The following NAV2 variants were observed in gnomAD, a reference collection of about 807,000 sequenced individuals.
NAV2 encodes helicase, APC down-regulated 1.
A neutral mutation model predicts 223.2 loss-of-function variants in NAV2; 54 were observed. The ratio of observed to expected loss-of-function variants is 0.24; its 90% CI spans 0.19 to 0.30. The LOEUF (loss-of-function observed/expected upper bound fraction) is 0.30, where lower values mean the gene tolerates loss of function less well. NAV2 is among the 10% of genes least tolerant of loss of function. The probability of loss-of-function intolerance (pLI) is 1.00; values close to 1 mark genes in which losing one functional copy is unlikely to be tolerated. For synonymous variants in NAV2, 1,279 were observed against 1,239.3 expected (o/e 1.03, Z -0.67); for missense variants, 2,806 against 3,147.5 (o/e 0.89, Z 2.60).
chr11:19,524,973 T>G (rs2702646), intron 1 of NAV2, among the ~76,000 whole-genome samples: 65,422 of 151,898 alleles, frequency 0.43, 14,698 homozygotes, highest in African/African-American at 0.55. Context: ...AGATGTGGGG[T>G]TTTTTTCTTC....
At chr11:19,663,655 T>C (rs1396005843) in intron 1 of NAV2, among the ~76,000 whole-genome samples, 7 of 152,194 alleles carry the variant, frequency 4.6e-5, no homozygotes, top group Non-Finnish European at 1.0e-4. Flanking sequence ...CCTTCCTTCT[T>C]CATTTTATCT....
At chr11:19,463,186 A>G (rs147824575) in intron 1 of NAV2, among the ~76,000 whole-genome samples, 311 of 152,362 alleles carry the variant, frequency 2.0e-3, no homozygotes, top group African/African-American at 6.8e-3. Context: ...AATGCAAATA[A>G]AGCAGCATGG....
intron 1 of NAV2, chr11:19,777,351 G>A (rs2056330944): frequency 2.9e-6 from 1 of 341,006 alleles, no homozygotes; most frequent in African/African-American, 2.3e-5. Context: ...GCGGCCGAGA[G>A]GAGACCCGGG....
intron 6 of NAV2, among the ~76,000 whole-genome samples, chr11:19,920,140 TAAG>T (rs1359463553): frequency 6.6e-6 from 1 of 152,048 alleles, no homozygotes; most frequent in African/African-American, 2.4e-5. Context: ...TCTCAAAAAA[TAAG>T]AAGAGCATGG....
intron 6 of NAV2, among the ~76,000 whole-genome samples, chr11:19,916,604 A>C (rs1292187268): frequency 6.6e-6 from 1 of 152,236 alleles, no homozygotes; most frequent in Admixed American, 6.5e-5. Flanking sequence ...TTTATTCTGT[A>C]TCACATACTG....
At chr11:19,859,412 C>A (rs1469083129) in intron 3 of NAV2, among the ~76,000 whole-genome samples, 2 of 148,926 alleles carry the variant, frequency 1.3e-5, no homozygotes, top group Non-Finnish European at 3.0e-5. Context: ...ATCCATTTAA[C>A]CCTGAGTGGA....
chr11:20,043,857 ATCTT>A (rs2057189062), intron 12 of NAV2, 120 bp from the exon 13 acceptor site: 1 of 835,712 alleles, frequency 1.2e-6, no homozygotes, highest in Non-Finnish European at 1.9e-6. Context: ...AAGTCCAAAC[ATCTT>A]TAAAGTAATG....
rs541918485 is a variant in NAV2, at chr11:19,637,142, G to A, written c.76-195342G>A. On this transcript the variant is annotated intron_variant, in intron 1 of 37. Coordinates refer to the NAV2 transcript ENST00000360655. ...AAAACATAAGCTTGCCACAGCCTGGGTTCTTGGGATTGTCCCTATCCCAAC... is the reference window on the plus strand; with the variant it reads ...AAAACATAAGCTTGCCACAGCCTGGATTCTTGGGATTGTCCCTATCCCAAC... Among the ~76,000 whole-genome samples the A allele has an allele frequency of 2.0e-5, 3 of 152,288 alleles. No homozygotes were observed. In the South Asian group the frequency reaches 6.2e-4, roughly 32 times the overall value.
intron 36 of NAV2, among the ~76,000 whole-genome samples, chr11:20,108,583 C>T (rs1479759328): frequency 1.3e-5 from 2 of 150,082 alleles, no homozygotes; most frequent in African/African-American, 2.4e-5. Flanking sequence ...GCTGGGATTA[C>T]AGGCGTGTGC....
At chr11:19,820,594 G>A (rs925815112) in intron 1 of NAV2, among the ~76,000 whole-genome samples, 6 of 152,224 alleles carry the variant, frequency 3.9e-5, no homozygotes, top group African/African-American at 1.2e-4. Context: ...ATATTTTGCC[G>A]TGGTGAGAGG....
chr11:19,838,318 G>T (rs952511028), intron 2 of NAV2, among the ~76,000 whole-genome samples: 2 of 152,104 alleles, frequency 1.3e-5, no homozygotes, highest in African/African-American at 4.8e-5. Context: ...GATGGAGTGG[G>T]GATGGTGGGA....
chr11:19,525,907 A>C (rs906214927), intron 1 of NAV2, among the ~76,000 whole-genome samples: 8 of 152,290 alleles, frequency 5.3e-5, no homozygotes, highest in African/African-American at 1.9e-4. Flanking sequence ...CTTCAGGCTT[A>C]GGGGAAGCTG....
chr11:19,468,165 T>G (rs1424865983), intron 1 of NAV2, among the ~76,000 whole-genome samples: 1 of 152,236 alleles, frequency 6.6e-6, no homozygotes, highest in Non-Finnish European at 1.5e-5. Flanking sequence ...CACTACTCAC[T>G]TGCTGCGTGA....
chr11:19,498,623 A>G (rs1446873127), intron 1 of NAV2, among the ~76,000 whole-genome samples: 1 of 152,100 alleles, frequency 6.6e-6, no homozygotes, highest in Non-Finnish European at 1.5e-5. Context: ...ATTTATTCCT[A>G]CCTGTTCATT....
intron 1 of NAV2, among the ~76,000 whole-genome samples, chr11:19,521,577 C>A (rs1005317298): frequency 5.9e-5 from 9 of 152,132 alleles, no homozygotes; most frequent in Non-Finnish European, 1.2e-4. Flanking sequence ...CTATCTTATG[C>A]GTTAGTGGGG....
intron 5 of NAV2, among the ~76,000 whole-genome samples, chr11:19,889,133 A>G (rs1441165248): frequency 1.3e-5 from 2 of 152,218 alleles, no homozygotes; most frequent in African/African-American, 4.8e-5. Context: ...TTAAAAGTTC[A>G]GTCTGAATTA....
chr11:19,392,107 G>T (rs1849271727), intron 1 of NAV2, among the ~76,000 whole-genome samples: 1 of 152,186 alleles, frequency 6.6e-6, no homozygotes, highest in African/African-American at 2.4e-5. Context: ...CTTTTACTTT[G>T]ATGATGGAGA....
intron 1 of NAV2, 134 bp downstream of exon 1, chr11:19,714,096 C>A (rs1465064987): frequency 4.5e-6 from 6 of 1,322,024 alleles, no homozygotes; most frequent in Non-Finnish European, 6.2e-6. Context: ...TCCCCTTAGG[C>A]CGGCAGGTTG....
chr11:20,107,614 C>G (rs748697155), intron 35 of NAV2, 50 bp from the exon 36 acceptor site: 1 of 1,411,246 alleles, frequency 7.1e-7, no homozygotes, highest in East Asian at 2.3e-5. Flanking sequence ...CCTGATGCCC[C>G]ATCACCCATG....
Sources: gnomAD v4.1 joint callset for allele counts (sites outside exome capture counted in the v4.1 genomes callset) on GRCh38, gnomAD v4.1.1 for gene constraint, MANE v1.5 for transcripts, NCBI Gene and HGNC (gene_info 2026-07-23, HGNC 2026-07-21) for gene names.